NRG1: variants seen among roughly 807,000 people sequenced by gnomAD.
NRG1 encodes neuregulin 1, also known as pro-neuregulin-1, membrane-bound isoform.
A neutral mutation model predicts 63.8 loss-of-function variants in NRG1; 18 were observed. That is an observed-to-expected ratio of 0.28 (90% CI 0.19 to 0.42). The LOEUF is 0.42. Among genes scored for constraint, NRG1 ranks in the 10% least tolerant of loss-of-function variants. The probability of loss-of-function intolerance (pLI) is 1.00; values close to 1 mark genes in which losing one functional copy is unlikely to be tolerated. For synonymous variants in NRG1, 302 were observed against 301.3 expected (o/e 1.00, Z -0.02); for missense variants, 762 against 814.7 (o/e 0.94, Z 0.79).
At chr8:32,424,903 A>C (rs1203698247) in intron 1 of NRG1, among the ~76,000 whole-genome samples, 2 of 152,044 alleles carry the variant, frequency 1.3e-5, no homozygotes, top group Non-Finnish European at 2.9e-5. Flanking sequence ...AAACAAAAAA[A>C]CAAAAAAAAT....
At chr8:31,858,990 C>T (rs1828216076) in intron 1 of NRG1, among the ~76,000 whole-genome samples, 2 of 152,060 alleles carry the variant, frequency 1.3e-5, no homozygotes, top group Non-Finnish European at 2.9e-5. Flanking sequence ...TTCATCAAAT[C>T]CTGAAGTATA....
intron 7 of NRG1, among the ~76,000 whole-genome samples, chr8:32,751,504 A>G (rs1286209627): frequency 6.6e-6 from 1 of 152,194 alleles, no homozygotes; most frequent in East Asian, 1.9e-4. Flanking sequence ...AGGTTAAAGA[A>G]TCCATTGTTT....
intron 5 of NRG1, among the ~76,000 whole-genome samples, chr8:32,651,640 G>A (rs1855147101): frequency 6.6e-6 from 1 of 152,084 alleles, no homozygotes; most frequent in African/African-American, 2.4e-5. Flanking sequence ...GGCCAACTTT[G>A]TTTTGCTTTG....
At chr8:32,674,155 A>G (rs1466587463) in intron 5 of NRG1, among the ~76,000 whole-genome samples, 1 of 152,180 alleles carries the variant, frequency 6.6e-6, no homozygotes, top group African/African-American at 2.4e-5. Flanking sequence ...TCTCATCAAT[A>G]CAGTGCAGTT....
At chr8:32,326,990 A>G (rs1442796583) in intron 1 of NRG1, among the ~76,000 whole-genome samples, 1 of 152,244 alleles carries the variant, frequency 6.6e-6, no homozygotes, top group East Asian at 1.9e-4. Flanking sequence ...ATAGAACCTC[A>G]TCAAAGAGGT....
chr8:31,760,478 G>T (rs2131511753), intron 1 of NRG1, among the ~76,000 whole-genome samples: 1 of 152,204 alleles, frequency 6.6e-6, no homozygotes, highest in South Asian at 2.1e-4. Context: ...AAGAGCTTCT[G>T]CACAGCAAAA....
At chr8:32,623,241 A>G (rs909028357) in intron 5 of NRG1, among the ~76,000 whole-genome samples, 2 of 152,186 alleles carry the variant, frequency 1.3e-5, no homozygotes, top group Non-Finnish European at 2.9e-5. Flanking sequence ...TGGGTGGTCC[A>G]TTGGTGGAAT....
chr8:32,068,722 G>C (rs1248469794), intron 1 of NRG1, among the ~76,000 whole-genome samples: 1 of 152,152 alleles, frequency 6.6e-6, no homozygotes, highest in Non-Finnish European at 1.5e-5. Context: ...GTGAGGCATG[G>C]GTTTCATGCC....
chr8:32,233,563 A>ATATATATTTTT (rs34593729), intron 1 of NRG1, among the ~76,000 whole-genome samples: 10 of 67,250 alleles, frequency 1.5e-4, no homozygotes, highest in East Asian at 3.9e-4. Flanking sequence ...ATATATATAT[A>ATATATATTTTT]TTTTTTTTTT....
At chr8:32,548,824 C>T (rs763502608) in exon 1 of NRG1, 12 of 1,563,926 alleles carry the variant, frequency 7.7e-6, no homozygotes, top group Admixed American at 3.9e-5. Flanking sequence ...AGCCAGAGCC[C>T]AGGTGGGTGC....
At chr8:32,559,083 G>GAAAAAAA (rs35947086) in intron 1 of NRG1, among the ~76,000 whole-genome samples, 2 of 86,800 alleles carry the variant, frequency 2.3e-5, no homozygotes, top group Non-Finnish European at 4.2e-5. Context: ...TTGTCTCAGC[G>GAAAAAAA]AAAAAAAAAA....
intron 1 of NRG1, among the ~76,000 whole-genome samples, chr8:31,657,400 A>G (rs1362456991): frequency 1.3e-5 from 2 of 152,220 alleles, no homozygotes; most frequent in South Asian, 2.1e-4. Context: ...ATGGAGAACC[A>G]TAGATGACTT....
intron 1 of NRG1, among the ~76,000 whole-genome samples, chr8:32,093,954 C>T (rs1013641342): frequency 6.6e-6 from 1 of 152,152 alleles, no homozygotes; most frequent in Admixed American, 6.5e-5. Flanking sequence ...GGTGACTTCA[C>T]ATTTAGGTTT....
intron 1 of NRG1, among the ~76,000 whole-genome samples, chr8:31,842,403 GCAACAAA>G (rs1489608961): frequency 1.3e-5 from 2 of 152,184 alleles, no homozygotes; most frequent in African/African-American, 2.4e-5. Flanking sequence ...AAATTAGTAA[GCAACAAA>G]CTGACTTGGT....
chr8:31,999,454 G>T (rs1812568126), intron 1 of NRG1, among the ~76,000 whole-genome samples: 2 of 151,928 alleles, frequency 1.3e-5, no homozygotes, highest in Admixed American at 1.3e-4. Context: ...CCAAAGAAGT[G>T]CAGCTCAGTA....
At chr8:31,773,075 T>C (rs993431928) in intron 1 of NRG1, among the ~76,000 whole-genome samples, 2 of 152,178 alleles carry the variant, frequency 1.3e-5, no homozygotes, top group African/African-American at 4.8e-5. Context: ...TGCAGAAAGG[T>C]TGGAAACCTG....
At chr8:32,772,463 T>A (rs1217231623), downstream of NRG1, among the ~76,000 whole-genome samples, 1 of 152,174 alleles carries the variant, frequency 6.6e-6, no homozygotes, top group African/African-American at 2.4e-5. Context: ...AAAACAATCA[T>A]AACTCTAGCT....
chr8:32,735,104 TAAAAA>T lies in NRG1; in HGVS notation c.632+7029_632+7033del, dbSNP rs767216973. ...TGACTCTGCTCTGTGGAAAAAAGAA[TAAAAA>T]AAGAGTATGCAGTCATACTCTTCAG... On this transcript the variant is annotated intron_variant, in intron 6 of 11. Transcript: ENST00000356819. Among the ~76,000 whole-genome samples the T allele has an allele frequency of 2.2e-4, 33 of 152,192 alleles. 2 individuals carry two copies. The highest frequency in any genetic ancestry group is 9.7e-4 in the East Asian group (5 of 5,180).
At chr8:32,260,444 T>C (rs940055636) in intron 1 of NRG1, among the ~76,000 whole-genome samples, 2 of 152,220 alleles carry the variant, frequency 1.3e-5, no homozygotes, top group Admixed American at 1.3e-4. Flanking sequence ...GGTCAGTCCA[T>C]AGAACAAAAT....
Sources: gnomAD v4.1 joint callset for allele counts (sites outside exome capture counted in the v4.1 genomes callset) on GRCh38, gnomAD v4.1.1 for gene constraint, MANE v1.5 for transcripts, NCBI Gene and HGNC (gene_info 2026-07-23, HGNC 2026-07-21) for gene names.